Variants in KCNB2 observed in about 807,000 individuals in gnomAD.
KCNB2 encodes delayed rectifier potassium channel protein.
A neutral mutation model predicts 61.5 loss-of-function variants in KCNB2; 15 were observed. That is an observed-to-expected ratio of 0.24 (90% CI 0.16 to 0.38). KCNB2 has a LOEUF of 0.38. Among genes scored for constraint, KCNB2 ranks in the 10% least tolerant of loss-of-function variants. The pLI, the probability that KCNB2 is intolerant of heterozygous loss-of-function variation, is 1.00. For missense variants in KCNB2, 828 were observed against 1,125.2 expected (o/e 0.74, Z 3.78); for synonymous variants, 457 against 446.0 (o/e 1.02, Z -0.31).
chr8:72,902,070 G>A (rs1274502898), intron 2 of KCNB2, among the ~76,000 whole-genome samples: 2 of 152,138 alleles, frequency 1.3e-5, no homozygotes, highest in Non-Finnish European at 1.5e-5. Flanking sequence ...TTTTCCTAAC[G>A]TTAGTCAGCA....
intron 1 of KCNB2, among the ~76,000 whole-genome samples, chr8:72,556,082 C>G (rs1806421917): frequency 6.6e-6 from 1 of 152,088 alleles, no homozygotes; most frequent in Non-Finnish European, 1.5e-5. Context: ...ACTGCATCAT[C>G]TGGTACAAGT....
chr8:72,648,815 C>A (rs188760421), intron 2 of KCNB2, among the ~76,000 whole-genome samples: 5 of 152,058 alleles, frequency 3.3e-5, no homozygotes, highest in African/African-American at 1.2e-4. Context: ...GTCTAAATAG[C>A]TTTTATAAAC....
intron 2 of KCNB2, among the ~76,000 whole-genome samples, chr8:72,606,522 G>A (rs1195165461): frequency 1.3e-5 from 2 of 152,138 alleles, no homozygotes; most frequent in Admixed American, 6.5e-5. Context: ...ATTAGTAATT[G>A]TTATTTCACC....
At chr8:72,688,792 T>C (rs1806896051) in intron 2 of KCNB2, among the ~76,000 whole-genome samples, 1 of 152,162 alleles carries the variant, frequency 6.6e-6, no homozygotes, top group African/African-American at 2.4e-5. Context: ...AGAGGTGTGC[T>C]GTCTGCTCAC....
Position 72,937,435 on chromosome 8 carries a change from G to A in KCNB2, c.2080G>A (p.Asp694Asn), listed in dbSNP as rs986243073. Residue 694 changes from aspartate to asparagine, a missense_variant, in exon 3 of 3, where the codon GAC becomes AAC. Around this residue, in one of 4 missense-constraint regions of KCNB2, gnomAD observed 559 missense variants for 588.4 expected, o/e 0.95. Coordinates refer to ENST00000523207, the MANE Select transcript of KCNB2 (RefSeq NM_004770.3). ...QCGLHSPLQS[D>N]NATDSPKSSL... ...TGGGCTACATAGTCCTTTGCAGTCT[G>A]ACAATGCCACCGACAGTCCTAAGAG... 3.1e-6 allele frequency: 5 copies of A among 1,613,792 alleles called. No individual in the cohort carries two copies. Among genetic ancestry groups the A allele is most frequent in the Non-Finnish European group, 4.2e-6 (5 of 1,179,988 alleles).
intron 2 of KCNB2, among the ~76,000 whole-genome samples, chr8:72,710,415 C>A (rs1389310122): frequency 6.6e-6 from 1 of 151,886 alleles, no homozygotes; most frequent in Non-Finnish European, 1.5e-5. Flanking sequence ...CTAAAGACAC[C>A]AATTAGAGCC....
rs1195070012 is a variant in KCNB2, at chr8:72,671,835, A to G, written c.579+103522A>G. On this transcript the variant is annotated intron_variant, in intron 2 of 2. Coordinates refer to ENST00000523207, the MANE Select transcript of KCNB2 (RefSeq NM_004770.3). ...TTCATTGCCATGATCACAAGAACAT[A>G]CTGACAATAGCCTGCTGGAGAATAA... is the stretch of plus-strand genomic sequence containing the variant. Among the ~76,000 whole-genome samples the G allele has an allele frequency of 2.0e-5, 3 of 152,294 alleles. No homozygotes were observed. The East Asian group carries it at 5.8e-4, about 29-fold the overall frequency.
chr8:72,890,474 G>T (rs1805879390), intron 2 of KCNB2, among the ~76,000 whole-genome samples: 1 of 152,186 alleles, frequency 6.6e-6, no homozygotes, highest in Non-Finnish European at 1.5e-5. Flanking sequence ...CACATCAGCT[G>T]CAGCTGCCTT....
intron 2 of KCNB2, among the ~76,000 whole-genome samples, chr8:72,850,256 G>T (rs1016545978): frequency 9.4e-5 from 14 of 149,618 alleles, no homozygotes; most frequent in African/African-American, 3.2e-4. Context: ...GTCTCACTCT[G>T]TCACCCAGGC....
At chr8:72,601,950 T>G (rs570229639) in intron 2 of KCNB2, among the ~76,000 whole-genome samples, 2 of 152,318 alleles carry the variant, frequency 1.3e-5, no homozygotes, top group African/African-American at 4.8e-5. Flanking sequence ...TAACTTGCTT[T>G]GATCTTCAGA....
chr8:72,724,945 C>T (rs1037819127), intron 2 of KCNB2, among the ~76,000 whole-genome samples: 2 of 152,098 alleles, frequency 1.3e-5, no homozygotes, highest in African/African-American at 4.8e-5. Context: ...AGAGCTTTAA[C>T]ACCAAAGACA....
intron 2 of KCNB2, among the ~76,000 whole-genome samples, chr8:72,596,142 T>C (rs1343195747): frequency 6.6e-6 from 1 of 152,224 alleles, no homozygotes; most frequent in African/African-American, 2.4e-5. Context: ...ATACCCAATT[T>C]GTAGTTGAGA....
Position 72,568,173 on chromosome 8 carries a change from C to T in KCNB2, c.439C>T (p.Gln147Ter). 6.2e-7 allele frequency: 1 copy of T among 1,614,030 alleles called. No homozygotes were observed. The highest frequency in any genetic ancestry group is 8.5e-7 in the Non-Finnish European group (1 of 1,180,010). Residue 147 changes from glutamine to a stop codon, truncating the protein, a stop_gained, in exon 2 of 3, where the codon CAA becomes TAA. Coordinates refer to ENST00000523207, the MANE Select transcript of KCNB2 (RefSeq NM_004770.3). LOFTEE classifies it high-confidence loss of function. Reference protein sequence around the residue: ...CQARYHQKKEQMNEELRREAE... With the variant: ...CQARYHQKKE ...GGCCAGATATCATCAAAAAAAAGAA[C>T]AAATGAACGAAGAACTGAGGCGAGA...
At chr8:72,804,626 C>T (rs1055700988) in intron 2 of KCNB2, among the ~76,000 whole-genome samples, 1 of 152,144 alleles carries the variant, frequency 6.6e-6, no homozygotes, top group Admixed American at 6.5e-5. Flanking sequence ...GCCAAATTAA[C>T]TTCTAATTAA....
At chr8:72,761,552 G>A (rs1236054217) in intron 2 of KCNB2, among the ~76,000 whole-genome samples, 2 of 152,162 alleles carry the variant, frequency 1.3e-5, no homozygotes, top group East Asian at 1.9e-4. Context: ...GAGAGATTGT[G>A]TTTATAATGA....
chr8:72,546,035 T>C (rs1052892057), intron 1 of KCNB2, among the ~76,000 whole-genome samples: 3 of 152,128 alleles, frequency 2.0e-5, no homozygotes, highest in African/African-American at 7.2e-5. Context: ...AGTTCTTGGA[T>C]ATTGGTAAAG....
chr8:72,850,134 A>G (rs1810069360), intron 2 of KCNB2, among the ~76,000 whole-genome samples: 1 of 152,090 alleles, frequency 6.6e-6, no homozygotes, highest in Non-Finnish European at 1.5e-5. Flanking sequence ...TTGCATAATT[A>G]AAGGTATTTA....
intron 2 of KCNB2, among the ~76,000 whole-genome samples, chr8:72,669,144 G>A (rs1806523431): frequency 6.6e-6 from 1 of 152,080 alleles, no homozygotes; most frequent in South Asian, 2.1e-4. Context: ...ACTTTCTGAA[G>A]GAATGAGAGA....
At chr8:72,768,823 T>TC (rs1170359331) in intron 2 of KCNB2, among the ~76,000 whole-genome samples, 1 of 152,006 alleles carries the variant, frequency 6.6e-6, no homozygotes, top group East Asian at 1.9e-4. Context: ...ACACTATTTT[T>TC]CCCCCCATTA....
Sources: allele counts gnomAD v4.1 joint callset (sites outside exome capture counted in the v4.1 genomes callset), GRCh38; gene constraint gnomAD v4.1.1; regional missense constraint gnomAD v4.1.1; transcripts MANE v1.5; gene names NCBI Gene and HGNC (gene_info 2026-07-23, HGNC 2026-07-21).